NBAS: variants seen among roughly 807,000 people sequenced by gnomAD.
NBAS encodes the protein NAG/BC035112 fusion.
NBAS carries 219 observed loss-of-function variants against 302.5 expected under a neutral mutation model. The ratio of observed to expected loss-of-function variants is 0.72; its 90% CI spans 0.65 to 0.81. The LOEUF is 0.81. Ranked by LOEUF, NBAS falls within the 30% of genes least tolerant of loss-of-function variation. NBAS has a pLI of 0.00. For missense variants in NBAS, 2,932 were observed against 2,841.6 expected (o/e 1.03, Z -0.72); for synonymous variants, 1,118 against 1,021.6 (o/e 1.09, Z -1.80).
chr2:14,937,563 GA>G, the NBAS span, among the ~76,000 whole-genome samples: 1 of 152,134 alleles, frequency 6.6e-6, no homozygotes, highest in African/African-American at 2.4e-5. Flanking sequence ...GGAGTAATGG[GA>G]ATCGCTGGGC....
At chr2:14,854,201 C>A in the NBAS span, among the ~76,000 whole-genome samples, 1 of 151,774 alleles carries the variant, frequency 6.6e-6, no homozygotes, top group African/African-American at 2.4e-5. Flanking sequence ...AGGGAAGTTA[C>A]AGCTATAAAT....
intron 8 of NBAS, among the ~76,000 whole-genome samples, chr2:15,535,979 A>C (rs1663489119): frequency 6.6e-6 from 1 of 152,236 alleles, no homozygotes; most frequent in Admixed American, 6.5e-5. Flanking sequence ...AATGTTCCGT[A>C]TCTTGACAGA....
the NBAS span, among the ~76,000 whole-genome samples, chr2:14,970,671 G>T: frequency 6.6e-6 from 1 of 152,190 alleles, no homozygotes; most frequent in Non-Finnish European, 1.5e-5. Context: ...GAAGTGGAAA[G>T]AACTGGAACT....
intron 40 of NBAS, among the ~76,000 whole-genome samples, chr2:15,300,615 C>G (rs187545658): frequency 1.6e-4 from 24 of 152,326 alleles, no homozygotes; most frequent in Admixed American, 7.8e-4. Flanking sequence ...GACTCCTGAA[C>G]TCATCTACAT....
At chr2:14,983,107 T>C in the NBAS span, among the ~76,000 whole-genome samples, 6 of 152,186 alleles carry the variant, frequency 3.9e-5, no homozygotes, top group African/African-American at 1.4e-4. Flanking sequence ...GCAACTAAAT[T>C]AACCTCTTCA....
the NBAS span, among the ~76,000 whole-genome samples, chr2:14,934,269 T>TA: frequency 6.6e-6 from 1 of 152,334 alleles, no homozygotes; most frequent in South Asian, 2.1e-4. Context: ...TAAATATAAT[T>TA]AAAAACCTAT....
chr2:15,121,566 A>G, the NBAS span, among the ~76,000 whole-genome samples: 2 of 152,300 alleles, frequency 1.3e-5, 1 homozygote, highest in African/African-American at 4.8e-5. Flanking sequence ...GGGAAAAAAA[A>G]TTACATCTTT....
chr2:15,030,678 A>G, the NBAS span, among the ~76,000 whole-genome samples: 1 of 152,194 alleles, frequency 6.6e-6, no homozygotes, highest in Non-Finnish European at 1.5e-5. Context: ...CTGCTGATGT[A>G]CAATCATTAA....
the NBAS span, among the ~76,000 whole-genome samples, chr2:14,846,852 A>C: frequency 6.6e-6 from 1 of 152,182 alleles, no homozygotes; most frequent in Non-Finnish European, 1.5e-5. Context: ...AAGTTAAATC[A>C]TACCACCAGA....
At chr2:15,115,377 G>C in the NBAS span, among the ~76,000 whole-genome samples, 1 of 152,104 alleles carries the variant, frequency 6.6e-6, no homozygotes, top group African/African-American at 2.4e-5. Flanking sequence ...TGATTATTTA[G>C]GTAAATCTAC....
chr2:15,422,744 A>G (rs909210845), intron 23 of NBAS, among the ~76,000 whole-genome samples: 7 of 152,180 alleles, frequency 4.6e-5, no homozygotes, highest in African/African-American at 1.7e-4. Flanking sequence ...AAATTTTTTA[A>G]TTCACATTCC....
intron 35 of NBAS, among the ~76,000 whole-genome samples, chr2:15,342,741 CAT>C (rs1259924957): frequency 6.6e-6 from 1 of 151,892 alleles, no homozygotes. Flanking sequence ...TAAAGTTATA[CAT>C]ATATCCATGT....
At chr2:15,423,311 A>C (rs566458653) in intron 23 of NBAS, among the ~76,000 whole-genome samples, 35 of 152,310 alleles carry the variant, frequency 2.3e-4, no homozygotes, top group African/African-American at 8.2e-4. Flanking sequence ...GTTCTTGGCC[A>C]TCACCCAAAG....
chr2:15,247,837 G>A (rs910817872), intron 44 of NBAS, among the ~76,000 whole-genome samples: 2 of 151,734 alleles, frequency 1.3e-5, no homozygotes, highest in Non-Finnish European at 2.9e-5. Flanking sequence ...AAGAGACTTA[G>A]ACTCCCACAC....
At chr2:15,048,459 C>A in the NBAS span, among the ~76,000 whole-genome samples, 1 of 152,250 alleles carries the variant, frequency 6.6e-6, no homozygotes, top group South Asian at 2.1e-4. Context: ...AAATGGTGGC[C>A]TTGTTTCCGG....
the NBAS span, among the ~76,000 whole-genome samples, chr2:15,085,079 T>C: frequency 6.6e-6 from 1 of 152,242 alleles, no homozygotes; most frequent in South Asian, 2.1e-4. Flanking sequence ...CCGGGCCAAG[T>C]AGCCCGTCGG....
intron 31 of NBAS, among the ~76,000 whole-genome samples, chr2:15,367,836 C>T (rs1191350806): frequency 6.6e-6 from 1 of 152,076 alleles, no homozygotes; most frequent in Admixed American, 6.5e-5. Flanking sequence ...AAAAAGGTTG[C>T]AAGGAAAGTA....
At chr2:14,932,574 G>C in the NBAS span, among the ~76,000 whole-genome samples, 1 of 152,182 alleles carries the variant, frequency 6.6e-6, no homozygotes, top group Admixed American at 6.5e-5. Flanking sequence ...CTGAAAAAGA[G>C]AGTTGATATG....
chr2:15,296,549 A>C (rs527539615), intron 40 of NBAS, among the ~76,000 whole-genome samples: 23 of 151,740 alleles, frequency 1.5e-4, no homozygotes, highest in Non-Finnish European at 3.0e-4. Context: ...CAAAACAAAA[A>C]AAAAAACTTT....
Sources: allele counts gnomAD v4.1 joint callset (sites outside exome capture counted in the v4.1 genomes callset), GRCh38; gene constraint gnomAD v4.1.1; transcripts MANE v1.5; gene names NCBI Gene and HGNC (gene_info 2026-07-23, HGNC 2026-07-21).